ITPR1: variants seen among roughly 807,000 people sequenced by gnomAD.
The protein encoded by ITPR1 is inositol 1,4,5-trisphosphate receptor type 1.
A neutral mutation model predicts 318.4 loss-of-function variants in ITPR1; 96 were observed. That is an observed-to-expected ratio of 0.30 (90% CI 0.26 to 0.36). The LOEUF (loss-of-function observed/expected upper bound fraction) is 0.36, where lower values mean the gene tolerates loss of function less well. Ranked by LOEUF, ITPR1 falls within the 10% of genes least tolerant of loss-of-function variation. The probability of loss-of-function intolerance (pLI) is 1.00; values close to 1 mark genes in which losing one functional copy is unlikely to be tolerated. For synonymous variants in ITPR1, 1,312 were observed against 1,289.9 expected (o/e 1.02, Z -0.37); for missense variants, 2,440 against 3,460.2 (o/e 0.71, Z 7.40).
At position 4,685,223 on chromosome 3, in the gene ITPR1, G is replaced by T. The variant is rs562209432; in HGVS notation, c.3702+17G>T. ...TATGAGAAGGTGAGCGGTGCCTCAT[G>T]CACAGCAGCTGCTCTCAGGATGGGG... is the stretch of plus-strand genomic sequence containing the variant. On this transcript the variant is annotated intron_variant, in intron 30 of 61. Coordinates refer to ENST00000649015, the MANE Select transcript of ITPR1 (RefSeq NM_001378452.1). 1 of 1,586,744 alleles carries T rather than the reference G, an allele frequency of 6.3e-7. No individual in the cohort carries two copies. Among genetic ancestry groups the T allele is most frequent in the Non-Finnish European group, 8.5e-7 (1 of 1,169,730 alleles).
intron 5 of ITPR1, among the ~76,000 whole-genome samples, chr3:4,638,198 G>A (rs545411583): frequency 1.1e-4 from 17 of 152,154 alleles, no homozygotes; most frequent in Non-Finnish European, 2.4e-4. Context: ...CCAAGGAAAG[G>A]AGACCCTCTA....
In ITPR1 at chr3:4,806,120, C is replaced by A. The variant is rs1559928477; in HGVS notation, c.7125C>A (p.Ile2375=). The A allele has an allele frequency of 1.2e-6, 2 of 1,613,788 alleles. No homozygotes were observed. Among genetic ancestry groups the A allele is most frequent in the Non-Finnish European group, 1.7e-6 (2 of 1,179,744 alleles). ...GTTCTCAGGTATGCAATAAAATCAT[C>A]TTTCTAATGAGCTTTGTGGGCAACT... ...LGAFNVCNKI[I]FLMSFVGNCG... The change falls in exon 55 of 62, where the codon ATC becomes ATA. Residue 2375 remains isoleucine (I), a synonymous_variant. Coordinates refer to ENST00000649015, the MANE Select transcript of ITPR1 (RefSeq NM_001378452.1).
chr3:4,512,259 C>T (rs1022660236), intron 2 of ITPR1, among the ~76,000 whole-genome samples: 1 of 152,140 alleles, frequency 6.6e-6, no homozygotes, highest in African/African-American at 2.4e-5. Flanking sequence ...AGCCACCGTG[C>T]CTGGTTTAGG....
chr3:4,635,597 G>A (rs561785078), intron 5 of ITPR1, among the ~76,000 whole-genome samples: 106 of 151,706 alleles, frequency 7.0e-4, no homozygotes, highest in Non-Finnish European at 8.8e-4. Flanking sequence ...TGCCCGCCTC[G>A]GCCTCCCAAA....
chr3:4,669,858 T>A, intron 19 of ITPR1, 85 bp downstream of exon 19: 3 of 1,288,890 alleles, frequency 2.3e-6, no homozygotes, highest in Non-Finnish European at 3.0e-6. Context: ...AGCCCTATCA[T>A]TTTTTGAGTT....
At position 4,779,619 on chromosome 3, in the gene ITPR1, C is replaced by A. The variant is rs761819665; in HGVS notation, c.6361C>A (p.Leu2121Ile). ...RHDSENAERI[L>I]YNMRPKELVE... Reference sequence around the variant, plus strand: ...CGACAGTGAAAACGCAGAGAGGATACTTTATAACATGAGGCCCAAGGAACT... The same window carrying A: ...CGACAGTGAAAACGCAGAGAGGATAATTTATAACATGAGGCCCAAGGAACT... Residue 2121 changes from leucine (L) to isoleucine (I), a missense_variant, in exon 49 of 62, where the codon CTT (leucine) becomes ATT (isoleucine). Leu to Ile is a conservative substitution (Grantham distance 5). Transcript: ENST00000649015. The surrounding 1 kb of genome is among the most constrained non-coding windows in gnomAD (Gnocchi z 4.0). 1 of 1,611,862 alleles carries A rather than the reference C, an allele frequency of 6.2e-7. No individual in the cohort carries two copies. The highest frequency in any genetic ancestry group is 8.5e-7 in the Non-Finnish European group (1 of 1,178,426).
At chr3:4,595,212 G>A (rs1236009306) in intron 4 of ITPR1, among the ~76,000 whole-genome samples, 3 of 152,198 alleles carry the variant, frequency 2.0e-5, no homozygotes, top group Non-Finnish European at 2.9e-5. Context: ...TTAGCTCATG[G>A]TTCTGCAGAC....
In ITPR1 at chr3:4,702,812, T is replaced by C. The variant is rs769548026; in HGVS notation, c.4537-18T>C. On this transcript the variant is annotated intron_variant, in intron 35 of 61. Coordinates refer to ENST00000649015, the MANE Select transcript of ITPR1 (RefSeq NM_001378452.1). ...ATAAAAATCTGTTTTTCACGTTGCC[T>C]CTTTTGGCTTCTTGCAGACTCGCCA... 2.4e-5 allele frequency: 39 copies of C among 1,612,432 alleles called. No individual in the cohort carries two copies. The highest frequency in any genetic ancestry group is 3.3e-5 in the Admixed American group (2 of 59,790).
chr3:4,843,345 A>G (rs896700894), intron 61 of ITPR1, among the ~76,000 whole-genome samples: 1 of 152,172 alleles, frequency 6.6e-6, no homozygotes, highest in Admixed American at 6.5e-5. Context: ...TACACAAATT[A>G]CTTTTTTTAA....
intron 4 of ITPR1, among the ~76,000 whole-genome samples, chr3:4,530,985 T>C (rs2083369116): frequency 6.6e-6 from 1 of 152,160 alleles, no homozygotes; most frequent in South Asian, 2.1e-4. Flanking sequence ...GTTAAGTACC[T>C]TCCTCCTTTG....
At chr3:4,797,108 T>G (rs2047949283) in intron 53 of ITPR1, among the ~76,000 whole-genome samples, 1 of 151,824 alleles carries the variant, frequency 6.6e-6, no homozygotes. Flanking sequence ...GCTGAGGGAC[T>G]AAACTGAGAG....
chr3:4,714,870 A>AT (rs529805377), intron 39 of ITPR1, among the ~76,000 whole-genome samples: 191 of 152,356 alleles, frequency 1.3e-3, no homozygotes, highest in African/African-American at 4.4e-3. Context: ...ACTGTCACCC[A>AT]TATTACCAAA....
chr3:4,657,386 G>GTTTTTTT lies in ITPR1; in HGVS notation c.997-734_997-728dup, dbSNP rs112693174. Among the ~76,000 whole-genome samples the GTTTTTTT allele has an allele frequency of 4.6e-4, 61 of 133,202 alleles. 3 individuals carry two copies. The highest frequency in any genetic ancestry group is 1.6e-3 in the African/African-American group (52 of 32,764). The allele number at this position is 133,202 out of a possible 152,430, so 87.4% of individuals were successfully genotyped here. On this transcript the variant is annotated intron_variant, in intron 12 of 61. Coordinates refer to ENST00000649015, the MANE Select transcript of ITPR1 (RefSeq NM_001378452.1). Reference sequence around the variant, plus strand: ...GCTCCTGCGGATGGATGTACCTAGAGTTTTTTTTTTGTTTTTTTTTTTTAA... The same window carrying GTTTTTTT: ...GCTCCTGCGGATGGATGTACCTAGAGTTTTTTTTTTTTTTTTTGTTTTTTTTTTTTAA...
intron 24 of ITPR1, among the ~76,000 whole-genome samples, chr3:4,679,393 G>A (rs1001961322): frequency 2.6e-5 from 4 of 152,214 alleles, no homozygotes; most frequent in East Asian, 3.8e-4. Flanking sequence ...CCAGTGGTGT[G>A]ATTCAGCCTG....
At chr3:4,588,890 CCA>C (rs774168001) in intron 4 of ITPR1, among the ~76,000 whole-genome samples, 14 of 152,150 alleles carry the variant, frequency 9.2e-5, no homozygotes, top group Non-Finnish European at 1.3e-4. Context: ...CCATCTGAGT[CCA>C]GTTTTCTAGG....
intron 4 of ITPR1, among the ~76,000 whole-genome samples, chr3:4,557,363 G>T (rs550518371): frequency 6.6e-6 from 1 of 152,080 alleles, no homozygotes; most frequent in African/African-American, 2.4e-5. Flanking sequence ...GGAAAGACCC[G>T]CCTCCATGAA....
intron 30 of ITPR1, among the ~76,000 whole-genome samples, chr3:4,685,420 C>A (rs1446503130): frequency 6.6e-6 from 1 of 152,238 alleles, no homozygotes; most frequent in Admixed American, 6.5e-5. Flanking sequence ...TTTTAAGATT[C>A]TGTAAAGAAA....
At chr3:4,622,462 T>C (rs2092678029) in intron 4 of ITPR1, among the ~76,000 whole-genome samples, 1 of 151,624 alleles carries the variant, frequency 6.6e-6, no homozygotes, top group East Asian at 1.9e-4. Flanking sequence ...TCTTGCTCTG[T>C]CGCCAGGCTG....
intron 26 of ITPR1, among the ~76,000 whole-genome samples, chr3:4,683,091 G>A (rs1022289454): frequency 3.3e-5 from 5 of 152,164 alleles, no homozygotes; most frequent in Admixed American, 6.5e-5. Context: ...GACCACAGAC[G>A]AAGCCCAGCA....
Sources: allele counts gnomAD v4.1 joint callset (sites outside exome capture counted in the v4.1 genomes callset), GRCh38; gene constraint gnomAD v4.1.1; non-coding constraint Gnocchi (gnomAD v3.1); transcripts MANE v1.5; gene names NCBI Gene and HGNC (gene_info 2026-07-23, HGNC 2026-07-21).